The following DOCK1 variants were observed in gnomAD, a reference collection of about 807,000 sequenced individuals.
DOCK1 encodes dedicator of cytokinesis 1, also known as dedicator of cytokinesis protein 1.
In DOCK1, 138 loss-of-function variants were observed where a neutral mutation model predicts 262.7. That is an observed-to-expected ratio of 0.53 (90% CI 0.46 to 0.61). The LOEUF (loss-of-function observed/expected upper bound fraction) is 0.61, where lower values mean the gene tolerates loss of function less well. Among genes scored for constraint, DOCK1 ranks in the 20% least tolerant of loss-of-function variants. DOCK1 has a pLI of 0.00. For synonymous variants in DOCK1, 866 were observed against 867.4 expected (o/e 1.00, Z 0.03); for missense variants, 1,908 against 2,370.7 (o/e 0.80, Z 4.05).
intron 19 of DOCK1, among the ~76,000 whole-genome samples, chr10:127,038,507 T>C (rs1398776742): frequency 1.3e-5 from 2 of 152,158 alleles, no homozygotes; most frequent in Non-Finnish European, 2.9e-5. Flanking sequence ...GTCTTTTTAC[T>C]GTTGTCATGA....
chr10:126,927,697 A>C (rs2033860260), intron 1 of DOCK1, among the ~76,000 whole-genome samples: 1 of 152,066 alleles, frequency 6.6e-6, no homozygotes, highest in Non-Finnish European at 1.5e-5. Flanking sequence ...TCGGCCTCCC[A>C]AAGTGCTGGG....
chr10:127,086,278 A>G (rs1474837553), intron 23 of DOCK1, among the ~76,000 whole-genome samples: 1 of 149,064 alleles, frequency 6.7e-6, no homozygotes, highest in Non-Finnish European at 1.5e-5. Context: ...TCATTATGTG[A>G]CCACCCACTT....
At chr10:126,973,217 T>G (rs1368311951) in intron 2 of DOCK1, among the ~76,000 whole-genome samples, 1 of 143,118 alleles carries the variant, frequency 7.0e-6, no homozygotes, top group Non-Finnish European at 1.5e-5. Flanking sequence ...ATAAGAGGAA[T>G]GCGTGTGTGG....
At chr10:127,311,896 ACT>A (rs1424166594) in intron 29 of DOCK1, among the ~76,000 whole-genome samples, 2 of 151,476 alleles carry the variant, frequency 1.3e-5, no homozygotes, top group African/African-American at 2.4e-5. Context: ...ATGGAGTCTC[ACT>A]CTGTCACCCA....
intron 43 of DOCK1, among the ~76,000 whole-genome samples, chr10:127,411,918 A>T (rs1216489825): frequency 1.5e-4 from 23 of 152,218 alleles, no homozygotes; most frequent in Non-Finnish European, 1.5e-5. Context: ...TTGTAGAAAT[A>T]ACAGCAAACA....
chr10:127,075,106 T>C (rs2046437583), intron 23 of DOCK1, among the ~76,000 whole-genome samples: 1 of 136,986 alleles, frequency 7.3e-6, no homozygotes, highest in African/African-American at 2.8e-5. Flanking sequence ...GAGGTGGAGG[T>C]TGTGGTGAGC....
At chr10:127,046,374 G>C (rs1310272652) in intron 21 of DOCK1, among the ~76,000 whole-genome samples, 1 of 152,312 alleles carries the variant, frequency 6.6e-6, no homozygotes, top group East Asian at 1.9e-4. Flanking sequence ...GAGCAGGAGT[G>C]TGACTCTGAG....
intron 30 of DOCK1, among the ~76,000 whole-genome samples, chr10:127,341,414 T>G (rs930578336): frequency 6.6e-6 from 1 of 152,210 alleles, no homozygotes; most frequent in African/African-American, 2.4e-5. Flanking sequence ...TAAAATCAGA[T>G]AGCTGAGTTT....
intron 1 of DOCK1, among the ~76,000 whole-genome samples, chr10:126,923,166 G>T (rs948198314): frequency 2.0e-5 from 3 of 152,180 alleles, no homozygotes; most frequent in Non-Finnish European, 4.4e-5. Flanking sequence ...GCAGTATAAA[G>T]CTAAGCTGTG....
In DOCK1 at chr10:127,370,100, G is replaced by A. The variant is rs138762286; in HGVS notation, c.3433-3681G>A. 3.6e-3 allele frequency among the ~76,000 whole-genome samples: 542 copies of A among 152,238 alleles called. 5 individuals carry two copies. Among genetic ancestry groups the A allele is most frequent in the African/African-American group, 0.012 (502 of 41,552 alleles). On this transcript the variant is annotated intron_variant, in intron 33 of 51. Coordinates refer to ENST00000623213, the MANE Select transcript of DOCK1 (RefSeq NM_001290223.2). ...TGCTCAGGGGGTAAGGTGTGGTTGC[G>A]CAGTTTCATCAGATTGGCCCCGACC...
At chr10:127,015,917 T>C (rs1407825624) in intron 12 of DOCK1, 1 of 152,354 alleles carries the variant, frequency 6.6e-6, no homozygotes, top group Non-Finnish European at 1.5e-5. Flanking sequence ...CTCCGCACTG[T>C]CTTACCACAG....
intron 27 of DOCK1, among the ~76,000 whole-genome samples, chr10:127,223,959 G>A (rs11016829): frequency 0.21 from 32,240 of 152,098 alleles, 3,664 homozygotes; most frequent in Middle Eastern, 0.37. Context: ...GGTGAGAAAT[G>A]AGTTAATTAA....
chr10:127,174,221 C>G (rs1220026489), intron 27 of DOCK1, among the ~76,000 whole-genome samples: 2 of 152,212 alleles, frequency 1.3e-5, no homozygotes, highest in Admixed American at 6.5e-5. Flanking sequence ...GAAGGGTGCA[C>G]ATCACATGAG....
intron 29 of DOCK1, chr10:127,272,215 G>A (rs569015270): frequency 1.5e-4 from 23 of 152,178 alleles, no homozygotes; most frequent in East Asian, 1.2e-3. Flanking sequence ...TGTGTTATTC[G>A]CGTTATTCTG....
chr10:127,084,497 G>A (rs2136040812), intron 23 of DOCK1, among the ~76,000 whole-genome samples: 1 of 152,262 alleles, frequency 6.6e-6, no homozygotes, highest in Admixed American at 6.5e-5. Flanking sequence ...CACTGGTAAT[G>A]CCCCATTCAG....
chr10:127,226,804 C>T (rs1355888176), intron 27 of DOCK1, among the ~76,000 whole-genome samples: 3 of 152,024 alleles, frequency 2.0e-5, no homozygotes, highest in Non-Finnish European at 4.4e-5. Context: ...CTGATGCCTT[C>T]GCCATTGTGA....
intron 29 of DOCK1, among the ~76,000 whole-genome samples, chr10:127,336,685 GC>G (rs1433322683): frequency 2.0e-5 from 3 of 151,950 alleles, no homozygotes; most frequent in East Asian, 3.9e-4. Flanking sequence ...GACTGCAGGT[GC>G]CCGCCACCAC....
intron 40 of DOCK1, among the ~76,000 whole-genome samples, chr10:127,406,540 G>T (rs1225586253): frequency 6.6e-6 from 1 of 152,220 alleles, no homozygotes; most frequent in Admixed American, 6.5e-5. Flanking sequence ...GACACTGGCA[G>T]TTACCAAAAC....
rs1343621375 is a variant in DOCK1, at chr10:127,452,319, C to CAA, written c.*893_*894insAA. On this transcript the variant is annotated 3_prime_UTR_variant, in exon 52 of 52. Transcript: ENST00000623213. ...GGAAGTGTTAAAACACACACACACA[C>CAA]ACACACACATTTTTTTTTTGAGAAC... 1 of 151,762 alleles carries CAA rather than the reference C, an allele frequency of 6.6e-6. No individual in the cohort carries two copies. The highest frequency in any genetic ancestry group is 1.5e-5 in the Non-Finnish European group (1 of 67,870). The allele number at this position is 151,762 out of a possible 1,614,324, so 9.4% of individuals were successfully genotyped here.
Sources: allele counts gnomAD v4.1 joint callset (sites outside exome capture counted in the v4.1 genomes callset), GRCh38; gene constraint gnomAD v4.1.1; transcripts MANE v1.5; gene names NCBI Gene and HGNC (gene_info 2026-07-23, HGNC 2026-07-21).